Variants in NKAIN3 observed in about 807,000 individuals in gnomAD.
NKAIN3 encodes sodium/potassium-transporting ATPase subunit beta-1-interacting protein 3.
A neutral mutation model predicts 30.2 loss-of-function variants in NKAIN3; 25 were observed. The ratio of observed to expected loss-of-function variants is 0.83; its 90% confidence interval spans 0.60 to 1.16. The LOEUF is 1.16. Among genes scored for constraint, NKAIN3 ranks in the 50% most tolerant of loss-of-function variants. NKAIN3 has a pLI of 0.00. For synonymous variants in NKAIN3, 91 were observed against 89.6 expected, an observed-to-expected ratio of 1.02 and a Z score of -0.09; for missense variants, 225 against 254.1, an observed-to-expected ratio of 0.89 and a Z score of 0.78.
rs1169670568 is a variant in NKAIN3, at chr8:62,964,110, C to T, written c.604-1244C>T. 2.6e-5 allele frequency among the ~76,000 whole-genome samples: 4 copies of T among 152,198 alleles called. No homozygotes were observed. The East Asian group carries it at 5.8e-4, about 22-fold the overall frequency. On this transcript the variant is annotated intron_variant, in intron 6 of 6. Coordinates refer to ENST00000623646, the MANE Select transcript of NKAIN3 (RefSeq NM_001304533.3). ...CTGGGTAAAGTAATTAATCATGAGG[C>T]CTGGATGCCACCAGCTGACATGGGG...
At chr8:62,528,113 C>T (rs942270215) in intron 1 of NKAIN3, among the ~76,000 whole-genome samples, 8 of 150,418 alleles carry the variant, frequency 5.3e-5, no homozygotes, top group Non-Finnish European at 8.9e-5. Context: ...CCAGTTCAGG[C>T]GGTGATGAGG....
intron 3 of NKAIN3, among the ~76,000 whole-genome samples, chr8:62,701,536 C>A (rs755535454): frequency 2.6e-5 from 4 of 152,182 alleles, no homozygotes; most frequent in African/African-American, 9.7e-5. Context: ...CTAACGATCC[C>A]TCCTGCGCTC....
At chr8:62,810,847 G>T (rs1818463394) in intron 4 of NKAIN3, among the ~76,000 whole-genome samples, 1 of 151,720 alleles carries the variant, frequency 6.6e-6, no homozygotes. Context: ...AAATATAATT[G>T]GATTCATGTA....
At chr8:62,656,238 A>G (rs1313392086) in intron 3 of NKAIN3, among the ~76,000 whole-genome samples, 1 of 152,144 alleles carries the variant, frequency 6.6e-6, no homozygotes, top group African/African-American at 2.4e-5. Context: ...CAGATTCAAC[A>G]ACTTATTCTC....
intron 1 of NKAIN3, among the ~76,000 whole-genome samples, chr8:62,372,425 C>A (rs1210904373): frequency 2.0e-5 from 3 of 151,672 alleles, no homozygotes; most frequent in Non-Finnish European, 4.4e-5. Flanking sequence ...GATATATTTC[C>A]TTTTCATGTT....
At chr8:62,268,936 A>G (rs997578905) in intron 1 of NKAIN3, among the ~76,000 whole-genome samples, 7 of 152,122 alleles carry the variant, frequency 4.6e-5, no homozygotes, top group Admixed American at 3.9e-4. Context: ...CTCTCTTAAC[A>G]TTTCTAAGTA....
intron 1 of NKAIN3, among the ~76,000 whole-genome samples, chr8:62,371,865 C>T (rs1816917364): frequency 6.6e-6 from 1 of 151,904 alleles, no homozygotes; most frequent in Non-Finnish European, 1.5e-5. Context: ...CTAAAACTTT[C>T]TTTCAGTTCC....
chr8:62,254,336 T>G (rs1236597605), intron 1 of NKAIN3, among the ~76,000 whole-genome samples: 3 of 151,916 alleles, frequency 2.0e-5, no homozygotes, highest in African/African-American at 7.3e-5. Flanking sequence ...TATTTAGAAT[T>G]AAGAATCATG....
intron 1 of NKAIN3, among the ~76,000 whole-genome samples, chr8:62,543,418 A>T: frequency 6.6e-6 from 1 of 152,200 alleles, no homozygotes; most frequent in East Asian, 1.9e-4. Flanking sequence ...TAAATTATGT[A>T]TTCAGTGTCT....
chr8:62,762,159 T>C (rs1258060294), intron 4 of NKAIN3, among the ~76,000 whole-genome samples: 3 of 151,548 alleles, frequency 2.0e-5, no homozygotes, highest in East Asian at 1.9e-4. Flanking sequence ...CTACTAAAAA[T>C]ATAAAAATTA....
Position 62,663,962 on chromosome 8 carries a change from T to G in NKAIN3, c.273+74168T>G, listed in dbSNP as rs138941130. ...AGTATTGCACAGGATGAAAAAAAATTGATCTTGTTGGAGATATATTTTCCT... is the reference window on the plus strand; with the variant it reads ...AGTATTGCACAGGATGAAAAAAAATGGATCTTGTTGGAGATATATTTTCCT... On this transcript the variant is annotated intron_variant, in intron 3 of 6. Transcript: ENST00000623646. Among the ~76,000 whole-genome samples the G allele has an allele frequency of 5.3e-3, 802 of 152,252 alleles. 6 individuals are homozygous for G. The highest frequency in any genetic ancestry group is 0.017 in the Middle Eastern group (5 of 294).
chr8:62,763,348 C>T (rs369848113), intron 4 of NKAIN3, among the ~76,000 whole-genome samples: 2 of 148,368 alleles, frequency 1.3e-5, no homozygotes, highest in African/African-American at 4.9e-5. Context: ...TCCAGTGGTT[C>T]GGAATTGATT....
intron 1 of NKAIN3, among the ~76,000 whole-genome samples, chr8:62,537,573 T>G (rs543053888): frequency 5.6e-4 from 85 of 152,138 alleles, no homozygotes; most frequent in Non-Finnish European, 9.4e-4. Context: ...AAGAGTCTCC[T>G]TTTTTTATTT....
intron 1 of NKAIN3, among the ~76,000 whole-genome samples, chr8:62,422,893 G>A (rs996538082): frequency 6.6e-6 from 1 of 152,076 alleles, no homozygotes; most frequent in African/African-American, 2.4e-5. Flanking sequence ...GTGGTAGGCT[G>A]TCATAAGAAA....
chr8:62,664,004 A>G (rs571364053), intron 3 of NKAIN3, among the ~76,000 whole-genome samples: 1 of 152,066 alleles, frequency 6.6e-6, no homozygotes, highest in Non-Finnish European at 1.5e-5. Flanking sequence ...CATTTTCACT[A>G]TTTTTCATCA....
intron 3 of NKAIN3, among the ~76,000 whole-genome samples, chr8:62,702,521 C>T (rs1332024511): frequency 6.6e-6 from 1 of 152,062 alleles, no homozygotes; most frequent in Non-Finnish European, 1.5e-5. Context: ...AAATTTGTTT[C>T]CTGATCAAAT....
chr8:62,859,127 T>A (rs1259703006), intron 4 of NKAIN3, among the ~76,000 whole-genome samples: 1 of 152,146 alleles, frequency 6.6e-6, no homozygotes, highest in Admixed American at 6.5e-5. Context: ...GGGAGAAGCG[T>A]GGTTTCCCAG....
intron 3 of NKAIN3, among the ~76,000 whole-genome samples, chr8:62,644,144 A>T (rs1812390040): frequency 6.6e-6 from 1 of 152,042 alleles, no homozygotes; most frequent in Non-Finnish European, 1.5e-5. Context: ...CCATTGCTCC[A>T]TGTGGTTCTT....
chr8:62,418,102 C>T (rs1281029340), intron 1 of NKAIN3, among the ~76,000 whole-genome samples: 1 of 152,154 alleles, frequency 6.6e-6, no homozygotes, highest in Non-Finnish European at 1.5e-5. Context: ...ATTATCAGTC[C>T]AGCTGCCAGC....
Sources: gnomAD v4.1 joint callset for allele counts (sites outside exome capture counted in the v4.1 genomes callset) on GRCh38, gnomAD v4.1.1 for gene constraint, MANE v1.5 for transcripts, NCBI Gene and HGNC (gene_info 2026-07-23, HGNC 2026-07-21) for gene names.